Variants in CNTLN observed in about 807,000 individuals in gnomAD.
CNTLN encodes centlein, centrosomal protein.
A neutral mutation model predicts 180.0 loss-of-function variants in CNTLN; 212 were observed. The observed-to-expected ratio is 1.18, with a 90% CI of 1.05 to 1.32. The LOEUF (loss-of-function observed/expected upper bound fraction) is 1.32, where lower values mean the gene tolerates loss of function less well. Ranked by LOEUF, CNTLN falls within the 40% of genes most tolerant of loss-of-function variation. The pLI is 0.00. For missense variants in CNTLN, 2,095 were observed against 1,610.9 expected (o/e 1.30, Z -5.14); for synonymous variants, 722 against 563.1 (o/e 1.28, Z -3.99).
At chr9:17,338,164 T>C (rs6475137) in intron 10 of CNTLN, among the ~76,000 whole-genome samples, 8 of 147,428 alleles carry the variant, frequency 5.4e-5, no homozygotes, top group South Asian at 2.1e-4. Flanking sequence ...TCTTTCTTTT[T>C]CTTTCTTTTT....
chr9:17,528,087 CAT>C, the CNTLN span, among the ~76,000 whole-genome samples: 4 of 151,842 alleles, frequency 2.6e-5, no homozygotes, highest in Non-Finnish European at 5.9e-5. Context: ...ATAGAAGAAA[CAT>C]AGATATGTTT....
chr9:17,267,176 C>T (rs1284989890), intron 5 of CNTLN, among the ~76,000 whole-genome samples: 1 of 152,046 alleles, frequency 6.6e-6, no homozygotes, highest in Non-Finnish European at 1.5e-5. Context: ...GTGGCTGGTA[C>T]CGGTTGTTCC....
chr9:17,164,842 T>C (rs1312261188), intron 2 of CNTLN, among the ~76,000 whole-genome samples: 4 of 148,662 alleles, frequency 2.7e-5, no homozygotes, highest in Admixed American at 6.7e-5. Flanking sequence ...TTCTTTCTTT[T>C]TTTTTTTTTT....
intron 25 of CNTLN, among the ~76,000 whole-genome samples, chr9:17,493,603 A>C (rs537173971): frequency 2.6e-5 from 4 of 152,314 alleles, no homozygotes; most frequent in African/African-American, 9.6e-5. Context: ...CTTTCGAGGG[A>C]TATTAGCAAG....
intron 23 of CNTLN, among the ~76,000 whole-genome samples, chr9:17,478,866 T>C (rs1270003314): frequency 2.0e-5 from 3 of 152,204 alleles, no homozygotes; most frequent in African/African-American, 7.2e-5. Context: ...CTTTTAATTA[T>C]TGTAGGCTTG....
intron 5 of CNTLN, among the ~76,000 whole-genome samples, chr9:17,247,840 T>TTC (rs1329964031): frequency 1.3e-5 from 2 of 150,518 alleles, no homozygotes; most frequent in African/African-American, 4.9e-5. Context: ...CTTTCTTTTT[T>TTC]TTTTTTTTTG....
intron 2 of CNTLN, chr9:17,167,555 A>G (rs536049356): frequency 5.9e-5 from 9 of 152,344 alleles, no homozygotes; most frequent in African/African-American, 1.9e-4. Flanking sequence ...TACCAAAGGT[A>G]TTTGTAGGGG....
At chr9:17,142,137 A>G (rs948231401) in intron 1 of CNTLN, among the ~76,000 whole-genome samples, 2 of 151,850 alleles carry the variant, frequency 1.3e-5, no homozygotes, top group African/African-American at 4.8e-5. Context: ...TAAGTTTTAG[A>G]TCAACCTAAC....
chr9:17,354,811 C>G (rs1822694633), intron 12 of CNTLN, among the ~76,000 whole-genome samples: 1 of 152,076 alleles, frequency 6.6e-6, no homozygotes, highest in Admixed American at 6.5e-5. Context: ...AAGCTTTGTT[C>G]TTTCGCTCTT....
intron 5 of CNTLN, among the ~76,000 whole-genome samples, chr9:17,269,162 T>C (rs1316010803): frequency 6.6e-6 from 1 of 152,220 alleles, no homozygotes; most frequent in Admixed American, 6.5e-5. Flanking sequence ...GAGCTGTTCC[T>C]ATTCGGCCAT....
At chr9:17,178,880 G>A (rs936397484) in intron 2 of CNTLN, among the ~76,000 whole-genome samples, 1 of 152,172 alleles carries the variant, frequency 6.6e-6, no homozygotes, top group African/African-American at 2.4e-5. Context: ...CAGAGTGGGC[G>A]CCAAGGCCGA....
chr9:17,294,929 G>T (rs1434677548), intron 6 of CNTLN, among the ~76,000 whole-genome samples: 3 of 130,718 alleles, frequency 2.3e-5, no homozygotes, highest in Admixed American at 7.4e-5. Context: ...GTGGGGGGAG[G>T]GCGGGGGAGG....
intron 13 of CNTLN, among the ~76,000 whole-genome samples, chr9:17,386,131 A>T (rs1286944279): frequency 6.6e-6 from 1 of 152,160 alleles, no homozygotes; most frequent in Non-Finnish European, 1.5e-5. Context: ...GGGAAAAAAC[A>T]ATGATAATAG....
intron 7 of CNTLN, chr9:17,300,926 C>T: frequency 1.0e-5 from 10 of 962,176 alleles, no homozygotes; most frequent in Non-Finnish European, 1.1e-5. Context: ...TACCATTTTA[C>T]TTCCTTTATT....
intron 12 of CNTLN, among the ~76,000 whole-genome samples, chr9:17,342,699 G>T (rs1309009850): frequency 6.6e-6 from 1 of 152,098 alleles, no homozygotes; most frequent in African/African-American, 2.4e-5. Context: ...GCTCTCATCT[G>T]TTGGAGGTGT....
intron 2 of CNTLN, among the ~76,000 whole-genome samples, chr9:17,174,710 A>G (rs1363814527): frequency 6.6e-6 from 1 of 152,012 alleles, no homozygotes; most frequent in Non-Finnish European, 1.5e-5. Flanking sequence ...AAAAAAAAAA[A>G]AAAAGAAAGA....
At chr9:17,185,617 A>C (rs1001777365) in intron 2 of CNTLN, among the ~76,000 whole-genome samples, 13 of 152,140 alleles carry the variant, frequency 8.5e-5, no homozygotes, top group Non-Finnish European at 1.9e-4. Context: ...GGGATCTACT[A>C]TAAGGGTTCC....
intron 2 of CNTLN, among the ~76,000 whole-genome samples, chr9:17,151,133 T>C (rs1818844589): frequency 6.6e-6 from 1 of 152,192 alleles, no homozygotes; most frequent in African/African-American, 2.4e-5. Flanking sequence ...TTGGATACCC[T>C]TTATTGCTTT....
the CNTLN span, among the ~76,000 whole-genome samples, chr9:17,520,082 A>G: frequency 6.6e-6 from 1 of 152,112 alleles, no homozygotes; most frequent in South Asian, 2.1e-4. Flanking sequence ...TCAAATATTT[A>G]TTTTGCTTGT....
Sources: allele counts gnomAD v4.1 joint callset (sites outside exome capture counted in the v4.1 genomes callset), GRCh38; gene constraint gnomAD v4.1.1; transcripts MANE v1.5; gene names NCBI Gene and HGNC (gene_info 2026-07-23, HGNC 2026-07-21).